SPACA7: variants seen among roughly 807,000 people sequenced by gnomAD.
SPACA7 encodes sperm acrosome-associated protein 7.
A neutral mutation model predicts 26.3 loss-of-function variants in SPACA7; 19 were observed. That is an observed-to-expected ratio of 0.72 (90% CI 0.50 to 1.06). The LOEUF (loss-of-function observed/expected upper bound fraction) is 1.06. Ranked by LOEUF, SPACA7 falls within the 50% of genes least tolerant of loss-of-function variation. The pLI is 0.00. For missense variants in SPACA7, 211 were observed against 229.9 expected (o/e 0.92, Z 0.53); for synonymous variants, 84 against 84.5 (o/e 0.99, Z 0.04).
chr13:112,419,848 C>G (rs548416090), intron 5 of SPACA7, among the ~76,000 whole-genome samples: 1 of 152,326 alleles, frequency 6.6e-6, no homozygotes, highest in South Asian at 2.1e-4. Flanking sequence ...AGTATATCCC[C>G]TGAGGGAAGG....
chr13:112,421,231 A>G (rs1875943843), intron 5 of SPACA7, among the ~76,000 whole-genome samples: 2 of 151,580 alleles, frequency 1.3e-5, no homozygotes, highest in South Asian at 4.2e-4. Flanking sequence ...CATGCAAAAA[A>G]AAAAAAAAAA....
At chr13:112,433,802 G>A (rs1229336567) in intron 6 of SPACA7, among the ~76,000 whole-genome samples, 6 of 152,160 alleles carry the variant, frequency 3.9e-5, no homozygotes, top group African/African-American at 1.4e-4. Context: ...GCCAACACAC[G>A]CGGTGTAGAA....
At chr13:112,432,907 A>G (rs1319956251) in intron 6 of SPACA7, among the ~76,000 whole-genome samples, 1 of 152,148 alleles carries the variant, frequency 6.6e-6, no homozygotes, top group African/African-American at 2.4e-5. Context: ...CATCCCCTTC[A>G]GGAGGCCCCC....
At chr13:112,395,724 C>A (rs1885202474) in intron 2 of SPACA7, among the ~76,000 whole-genome samples, 1 of 152,196 alleles carries the variant, frequency 6.6e-6, no homozygotes, top group Non-Finnish European at 1.5e-5. Context: ...CCCACCTCGG[C>A]CTCCCAGTGC....
chr13:112,411,098 T>C (rs1886319249), intron 5 of SPACA7, among the ~76,000 whole-genome samples: 1 of 151,256 alleles, frequency 6.6e-6, no homozygotes, highest in Non-Finnish European at 1.5e-5. Flanking sequence ...TGTCAAAATA[T>C]CATAAAATTA....
At chr13:112,381,720 A>G (rs992110012) in intron 1 of SPACA7, among the ~76,000 whole-genome samples, 5 of 152,170 alleles carry the variant, frequency 3.3e-5, no homozygotes, top group African/African-American at 1.2e-4. Context: ...GGGTGGAGGG[A>G]AGCCAGTGAG....
At chr13:112,403,821 T>C (rs1469225689) in intron 5 of SPACA7, among the ~76,000 whole-genome samples, 1 of 152,232 alleles carries the variant, frequency 6.6e-6, no homozygotes, top group Non-Finnish European at 1.5e-5. Context: ...ATCCACTCAT[T>C]GATTTATGGG....
At chr13:112,380,405 C>CAAAAA (rs5806946) in intron 1 of SPACA7, among the ~76,000 whole-genome samples, 26 of 74,020 alleles carry the variant, frequency 3.5e-4, no homozygotes, top group African/African-American at 1.2e-3. Flanking sequence ...AACTCAGTCT[C>CAAAAA]AAAAAAAAAA....
intron 5 of SPACA7, among the ~76,000 whole-genome samples, chr13:112,430,358 G>C (rs1160003902): frequency 6.6e-6 from 1 of 152,186 alleles, no homozygotes; most frequent in Non-Finnish European, 1.5e-5. Context: ...GCTGCATTCA[G>C]CTGCTTTCCA....
intron 1 of SPACA7, among the ~76,000 whole-genome samples, chr13:112,390,762 G>T (rs971691903): frequency 1.3e-5 from 2 of 152,178 alleles, no homozygotes; most frequent in African/African-American, 4.8e-5. Flanking sequence ...CAAGGGGGAC[G>T]CCAGCCCCCG....
chr13:112,433,540 C>A (rs1230027957), intron 6 of SPACA7, among the ~76,000 whole-genome samples: 13 of 151,690 alleles, frequency 8.6e-5, no homozygotes, highest in Non-Finnish European at 8.8e-5. Context: ...CTGCTCCCAG[C>A]CCCTCACTGT....
chr13:112,377,856 G>T (rs1358464493), intron 1 of SPACA7, among the ~76,000 whole-genome samples: 1 of 152,212 alleles, frequency 6.6e-6, no homozygotes, highest in Admixed American at 6.5e-5. Flanking sequence ...GGAATTTAAT[G>T]AGGGGAATGT....
At chr13:112,418,750 A>C (rs1886843061) in intron 5 of SPACA7, among the ~76,000 whole-genome samples, 1 of 152,258 alleles carries the variant, frequency 6.6e-6, no homozygotes, top group African/African-American at 2.4e-5. Context: ...AGCAGCAGGC[A>C]AAATAATAGC....
At chr13:112,382,319 C>T (rs1297379060) in intron 1 of SPACA7, 4 of 1,081,106 alleles carry the variant, frequency 3.7e-6, no homozygotes, top group East Asian at 2.7e-5. Flanking sequence ...AGGCGCCTCT[C>T]GATTTCTTGA....
intron 1 of SPACA7, among the ~76,000 whole-genome samples, chr13:112,388,126 A>G (rs1002043254): frequency 5.3e-5 from 8 of 152,184 alleles, no homozygotes; most frequent in African/African-American, 1.9e-4. Context: ...GATCCCTTCC[A>G]CATACACAAA....
At chr13:112,416,479 G>A (rs535209147) in intron 5 of SPACA7, among the ~76,000 whole-genome samples, 1 of 152,148 alleles carries the variant, frequency 6.6e-6, no homozygotes, top group East Asian at 1.9e-4. Flanking sequence ...TAGAGAATGG[G>A]TTTCACCATG....
At chr13:112,419,515 G>A (rs1253130599) in intron 5 of SPACA7, among the ~76,000 whole-genome samples, 1 of 152,190 alleles carries the variant, frequency 6.6e-6, no homozygotes, top group African/African-American at 2.4e-5. Context: ...GGGCAGCAAA[G>A]CCTCTTATTC....
At chr13:112,428,804 AG>A (rs1273960576) in intron 5 of SPACA7, among the ~76,000 whole-genome samples, 1 of 152,208 alleles carries the variant, frequency 6.6e-6, no homozygotes, top group African/African-American at 2.4e-5. Context: ...GTTCCTGAAA[AG>A]TATGTGTATT....
At chr13:112,412,890 C>G (rs1330594615) in intron 5 of SPACA7, among the ~76,000 whole-genome samples, 1 of 152,074 alleles carries the variant, frequency 6.6e-6, no homozygotes, top group Non-Finnish European at 1.5e-5. Context: ...CATCCTATAA[C>G]AAGTTATTTT....
Sources: allele counts gnomAD v4.1 joint callset (sites outside exome capture counted in the v4.1 genomes callset), GRCh38; gene constraint gnomAD v4.1.1; transcripts MANE v1.5; gene names NCBI Gene and HGNC (gene_info 2026-07-23, HGNC 2026-07-21).